Variants in SLC9B1 observed in about 807,000 individuals in gnomAD.
SLC9B1 encodes the protein solute carrier family 9 member B1, also known as sodium/hydrogen exchanger 9B1.
In SLC9B1, 32 loss-of-function variants were observed where a neutral mutation model predicts 51.7. The observed-to-expected ratio is 0.62, with a 90% CI of 0.47 to 0.83. SLC9B1 has a LOEUF of 0.83. SLC9B1 is among the 40% of genes least tolerant of loss of function. The probability of loss-of-function intolerance (pLI) is 0.00; values close to 1 mark genes in which losing one functional copy is unlikely to be tolerated. For missense variants in SLC9B1, 406 were observed against 613.2 expected, an observed-to-expected ratio of 0.66 and a Z score of 3.57; for synonymous variants, 145 against 212.7, an observed-to-expected ratio of 0.68 and a Z score of 2.77.
At chr4:102,965,854 A>G (rs909914490) in intron 3 of SLC9B1, among the ~76,000 whole-genome samples, 1 of 152,196 alleles carries the variant, frequency 6.6e-6, no homozygotes, top group African/African-American at 2.4e-5. Context: ...AGACAGTCCC[A>G]TTCCAAAAGG....
chr4:102,984,410 C>T (rs1177239825), intron 3 of SLC9B1, among the ~76,000 whole-genome samples: 1 of 152,212 alleles, frequency 6.6e-6, no homozygotes, highest in Non-Finnish European at 1.5e-5. Flanking sequence ...GCCAACATGT[C>T]TGGCTGTTCA....
At chr4:102,955,895 AAGAAAG>A (rs1471603671) in intron 3 of SLC9B1, among the ~76,000 whole-genome samples, 5 of 123,822 alleles carry the variant, frequency 4.0e-5, no homozygotes, top group South Asian at 4.8e-4. Flanking sequence ...GAAAGAAAGA[AAGAAAG>A]AGAGAGAAAG....
At chr4:102,893,464 A>C (rs1261514124) in intron 11 of SLC9B1, among the ~76,000 whole-genome samples, 1 of 152,272 alleles carries the variant, frequency 6.6e-6, no homozygotes, top group African/African-American at 2.4e-5. Context: ...GTTACAAAGA[A>C]GAGAATGTAA....
chr4:102,960,447 T>C (rs1307714172), intron 3 of SLC9B1, among the ~76,000 whole-genome samples: 1 of 151,972 alleles, frequency 6.6e-6, no homozygotes, highest in Non-Finnish European at 1.5e-5. Flanking sequence ...CTTAAATAAT[T>C]GTGAGTTATA....
At chr4:102,990,139 T>C (rs568226632) in intron 2 of SLC9B1, among the ~76,000 whole-genome samples, 198 bp from the exon 3 acceptor site, 4 of 152,158 alleles carry the variant, frequency 2.6e-5, no homozygotes, top group East Asian at 1.9e-4. Flanking sequence ...GGTACCTTGA[T>C]TGAACCTTTT....
At chr4:102,964,229 A>G (rs1313605858) in intron 3 of SLC9B1, among the ~76,000 whole-genome samples, 1 of 151,966 alleles carries the variant, frequency 6.6e-6, no homozygotes, top group Non-Finnish European at 1.5e-5. Flanking sequence ...AAAGACACAA[A>G]TTACCAAAAC....
intron 3 of SLC9B1, among the ~76,000 whole-genome samples, chr4:102,973,633 T>G (rs192347536): frequency 1.2e-4 from 18 of 152,308 alleles, no homozygotes; most frequent in Admixed American, 1.2e-3. Context: ...TATACTAGCC[T>G]ATGAATCAAA....
At chr4:102,927,032 A>C (rs1207510814) in intron 7 of SLC9B1, among the ~76,000 whole-genome samples, 1 of 152,254 alleles carries the variant, frequency 6.6e-6, no homozygotes, top group Non-Finnish European at 1.5e-5. Flanking sequence ...GATGCTGGGA[A>C]AACTGGCTAG....
chr4:102,895,758 C>G (rs1319927100), intron 11 of SLC9B1, among the ~76,000 whole-genome samples: 1 of 152,112 alleles, frequency 6.6e-6, no homozygotes, highest in Non-Finnish European at 1.5e-5. Flanking sequence ...AATTAGCAAA[C>G]TATAATAAAC....
chr4:102,978,981 C>A (rs1001922507), intron 3 of SLC9B1, among the ~76,000 whole-genome samples: 14 of 152,196 alleles, frequency 9.2e-5, no homozygotes, highest in African/African-American at 2.9e-4. Flanking sequence ...TTATTAAAAG[C>A]TTTTTAAATA....
At chr4:102,915,855 T>C (rs1735552420) in intron 7 of SLC9B1, among the ~76,000 whole-genome samples, 1 of 152,212 alleles carries the variant, frequency 6.6e-6, no homozygotes, top group African/African-American at 2.4e-5. Flanking sequence ...TAAGTTGTTG[T>C]CAATTTAAAA....
chr4:102,962,360 T>C (rs1414718230), intron 3 of SLC9B1: 7 of 538,626 alleles, frequency 1.3e-5, no homozygotes, highest in East Asian at 5.3e-5. Flanking sequence ...GAAAGGTTCA[T>C]GGAGCAAGTG....
At chr4:102,949,819 G>C (rs573600962) in intron 3 of SLC9B1, among the ~76,000 whole-genome samples, 2 of 152,118 alleles carry the variant, frequency 1.3e-5, no homozygotes, top group African/African-American at 4.8e-5. Context: ...AAATTAGCCA[G>C]GCGTGGTGGT....
At chr4:102,936,824 A>G (rs2110463758) in intron 6 of SLC9B1, among the ~76,000 whole-genome samples, 3 of 152,290 alleles carry the variant, frequency 2.0e-5, no homozygotes, top group South Asian at 4.1e-4. Context: ...TGGAAAACAT[A>G]TTTGAGGATA....
At chr4:103,015,792 C>T (rs1225551612) in intron 1 of SLC9B1, among the ~76,000 whole-genome samples, 1 of 152,136 alleles carries the variant, frequency 6.6e-6, no homozygotes, top group Non-Finnish European at 1.5e-5. Flanking sequence ...ACCCATCTAT[C>T]TGCATCTCTA....
intron 1 of SLC9B1, among the ~76,000 whole-genome samples, chr4:103,003,580 C>T (rs1387215371): frequency 2.0e-5 from 3 of 152,188 alleles, no homozygotes; most frequent in African/African-American, 7.2e-5. Context: ...GATGCCCCTC[C>T]CCAGCTGACA....
intron 3 of SLC9B1, among the ~76,000 whole-genome samples, chr4:102,971,909 G>T (rs1439493871): frequency 6.6e-6 from 1 of 152,030 alleles, no homozygotes; most frequent in Admixed American, 6.6e-5. Flanking sequence ...TAAATTGCTG[G>T]AGAAATACAC....
At chr4:102,906,726 T>A in intron 9 of SLC9B1, 82 bp from the exon 10 acceptor site, 1 of 844,586 alleles carries the variant, frequency 1.2e-6, no homozygotes, top group East Asian at 2.8e-5. Context: ...CCCCCTTTTT[T>A]TTTTCATTTT....
chr4:102,911,585 A>G (rs1354328476), intron 7 of SLC9B1, 48 bp from the exon 8 acceptor site: 2 of 1,203,126 alleles, frequency 1.7e-6, no homozygotes, highest in East Asian at 2.4e-5. Context: ...GTATCTTCAC[A>G]TACACTACAC....
Sources: allele counts gnomAD v4.1 joint callset (sites outside exome capture counted in the v4.1 genomes callset), GRCh38; gene constraint gnomAD v4.1.1; transcripts MANE v1.5; gene names NCBI Gene and HGNC (gene_info 2026-07-23, HGNC 2026-07-21).